The following CACNA1C variants were observed in gnomAD, a reference collection of about 807,000 sequenced individuals.
The protein encoded by CACNA1C is voltage-dependent L-type calcium channel subunit alpha-1C.
A neutral mutation model predicts 229.0 loss-of-function variants in CACNA1C; 30 were observed. The observed-to-expected ratio is 0.13, with a 90% confidence interval of 0.10 to 0.18. CACNA1C has a LOEUF of 0.18. CACNA1C is among the 10% of genes least tolerant of loss of function. The probability of loss-of-function intolerance (pLI) is 1.00; values close to 1 mark genes in which losing one functional copy is unlikely to be tolerated. For synonymous variants in CACNA1C, 1,114 were observed against 1,132.5 expected (o/e 0.98, Z 0.33); for missense variants, 1,658 against 2,845.0 (o/e 0.58, Z 9.49).
At chr12:2,487,440 A>G (rs891765790) in intron 6 of CACNA1C, among the ~76,000 whole-genome samples, 1 of 146,948 alleles carries the variant, frequency 6.8e-6, no homozygotes, top group East Asian at 2.0e-4. Context: ...TCTATGTATG[A>G]TCTAGTATGA....
At chr12:2,552,131 C>T (rs1019166001) in intron 10 of CACNA1C, among the ~76,000 whole-genome samples, 8 of 152,174 alleles carry the variant, frequency 5.3e-5, no homozygotes, top group African/African-American at 4.8e-5. Context: ...CAGGCAGCAG[C>T]GCCAGCCTGG....
intron 3 of CACNA1C, among the ~76,000 whole-genome samples, chr12:2,195,582 A>G (rs1457260067): frequency 6.6e-6 from 1 of 152,234 alleles, no homozygotes; most frequent in Non-Finnish European, 1.5e-5. Context: ...GATGTTGGAC[A>G]AACTGAATGG....
chr12:2,644,076 T>TA (rs2094061635), intron 30 of CACNA1C, among the ~76,000 whole-genome samples: 1 of 152,186 alleles, frequency 6.6e-6, no homozygotes, highest in Non-Finnish European at 1.5e-5. Context: ...CAAGACATTT[T>TA]AAAAAATATA....
At chr12:2,180,493 A>G (rs1290546368) in intron 3 of CACNA1C, among the ~76,000 whole-genome samples, 1 of 152,224 alleles carries the variant, frequency 6.6e-6, no homozygotes, top group Non-Finnish European at 1.5e-5. Flanking sequence ...AGCAGAGGCT[A>G]AAGGATCTTC....
At chr12:2,197,633 G>C (rs534261404) in intron 3 of CACNA1C, among the ~76,000 whole-genome samples, 1 of 152,250 alleles carries the variant, frequency 6.6e-6, no homozygotes, top group African/African-American at 2.4e-5. Context: ...TCAGAAATTT[G>C]ACATTTTTTA....
chr12:2,438,457 G>T lies in CACNA1C; in HGVS notation c.478-10519G>T, dbSNP rs150941188. On this transcript the variant is annotated intron_variant, in intron 3 of 46. Coordinates refer to ENST00000399655, the MANE Select transcript of CACNA1C (RefSeq NM_000719.7). ...GAGGTGGACATGGCAGGCAGATGGG[G>T]ATTGAGAAGTCCAGAGCAGGGTGGC... 8.9e-4 allele frequency among the ~76,000 whole-genome samples: 136 copies of T among 152,116 alleles called. 1 individual carries two copies. Among genetic ancestry groups the T allele is most frequent in the African/African-American group, 3.2e-3 (132 of 41,474 alleles).
intron 3 of CACNA1C, among the ~76,000 whole-genome samples, chr12:2,231,120 A>G (rs2064989744): frequency 6.6e-6 from 1 of 152,232 alleles, no homozygotes; most frequent in Non-Finnish European, 1.5e-5. Flanking sequence ...CCTGCCAGGC[A>G]GCTGGTGACT....
chr12:2,571,972 TA>T (rs1413352713), intron 13 of CACNA1C, among the ~76,000 whole-genome samples: 1 of 152,210 alleles, frequency 6.6e-6, no homozygotes, highest in East Asian at 1.9e-4. Flanking sequence ...CTTCTTCTTT[TA>T]AAATATCTTG....
At chr12:2,012,003 G>A (rs144252375) in intron 1 of CACNA1C, among the ~76,000 whole-genome samples, 5 of 151,984 alleles carry the variant, frequency 3.3e-5, no homozygotes, top group Non-Finnish European at 5.9e-5. Context: ...GAAGAATTTT[G>A]TAATTACTTA....
At chr12:2,059,100 A>G (rs1451464073) in intron 1 of CACNA1C, among the ~76,000 whole-genome samples, 2 of 152,118 alleles carry the variant, frequency 1.3e-5, no homozygotes, top group African/African-American at 4.8e-5. Flanking sequence ...AGGTCCCTGG[A>G]GAACCTTGCT....
rs1459298391 is a variant in CACNA1C, at chr12:2,430,560, C to T, written c.478-18416C>T. Among the ~76,000 whole-genome samples the T allele has an allele frequency of 2.0e-5, 3 of 150,410 alleles. No individual in the cohort carries two copies. In the East Asian group the frequency reaches 5.8e-4, roughly 29 times the overall value. On this transcript the variant is annotated intron_variant, in intron 3 of 46. Coordinates refer to ENST00000399655, the MANE Select transcript of CACNA1C (RefSeq NM_000719.7). ...TCTCCCCACCTGCCCACCCCTGACT[C>T]AGTCTGGGAGGTGGTGGGGGGGTCC...
intron 13 of CACNA1C, among the ~76,000 whole-genome samples, chr12:2,574,765 G>A (rs1235624002): frequency 2.6e-5 from 4 of 152,214 alleles, no homozygotes. Flanking sequence ...TGGAGCCTCT[G>A]AGCTCATTGA....
intron 3 of CACNA1C, among the ~76,000 whole-genome samples, chr12:2,385,481 C>T (rs553385917): frequency 4.6e-5 from 7 of 152,296 alleles, no homozygotes; most frequent in African/African-American, 1.7e-4. Context: ...CTTAGCACCC[C>T]TACACCCAAG....
At chr12:2,329,354 C>G (rs892353580) in intron 3 of CACNA1C, among the ~76,000 whole-genome samples, 1 of 152,198 alleles carries the variant, frequency 6.6e-6, no homozygotes, top group South Asian at 2.1e-4. Context: ...GAATTAGGTG[C>G]TCTGTCTTGA....
intron 3 of CACNA1C, among the ~76,000 whole-genome samples, chr12:2,372,864 G>T (rs1047632890): frequency 6.6e-6 from 1 of 152,234 alleles, no homozygotes; most frequent in Non-Finnish European, 1.5e-5. Flanking sequence ...AGCTCCCTGG[G>T]CAGGCCTAAG....
At chr12:2,536,641 C>A (rs1310205804) in intron 9 of CACNA1C, among the ~76,000 whole-genome samples, 1 of 152,034 alleles carries the variant, frequency 6.6e-6, no homozygotes, top group African/African-American at 2.4e-5. Context: ...CCAACCTGGG[C>A]AACATAGTGA....
intron 3 of CACNA1C, among the ~76,000 whole-genome samples, chr12:2,381,864 C>G (rs577785090): frequency 2.0e-5 from 3 of 152,296 alleles, no homozygotes; most frequent in African/African-American, 7.2e-5. Context: ...TCTCCCAGTC[C>G]TTGGAGGTAT....
chr12:2,601,973 C>T lies in CACNA1C; in HGVS notation c.2960+13C>T. ...CCTTTGGCATCCAGTGAGTGGGAGC[C>T]CCTCAGCCCACGATGGGCCATGCAG... On this transcript the variant is annotated intron_variant, in intron 22 of 46. Transcript: ENST00000399655. The surrounding 1 kb of genome is among the most constrained non-coding windows in gnomAD (Gnocchi z 5.9). 3 of 1,557,488 alleles carry T rather than the reference C, an allele frequency of 1.9e-6. No homozygotes were observed. The highest frequency in any genetic ancestry group is 2.7e-6 in the Non-Finnish European group (3 of 1,128,392).
intron 3 of CACNA1C, among the ~76,000 whole-genome samples, chr12:2,329,028 T>C (rs2096447389): frequency 6.6e-6 from 1 of 152,196 alleles, no homozygotes; most frequent in African/African-American, 2.4e-5. Flanking sequence ...TCAATGACAG[T>C]ATGGGCATTA....
Sources: gnomAD v4.1 joint callset for allele counts (sites outside exome capture counted in the v4.1 genomes callset) on GRCh38, gnomAD v4.1.1 for gene constraint, Gnocchi (gnomAD v3.1) non-coding constraint, MANE v1.5 for transcripts, NCBI Gene and HGNC (gene_info 2026-07-23, HGNC 2026-07-21) for gene names.